BTG4: variants seen among roughly 807,000 people sequenced by gnomAD.
BTG4 encodes the protein BTG anti-proliferation factor 4.
A neutral mutation model predicts 19.3 loss-of-function variants in BTG4; 10 were observed. The observed-to-expected ratio is 0.52, with a 90% CI of 0.32 to 0.88. The LOEUF (loss-of-function observed/expected upper bound fraction) is 0.88. Among genes scored for constraint, BTG4 ranks in the 40% least tolerant of loss-of-function variants. The pLI is 0.04. For missense variants in BTG4, 238 were observed against 281.9 expected (o/e 0.84, Z 1.11); for synonymous variants, 91 against 95.7 (o/e 0.95, Z 0.29).
the BTG4 span, among the ~76,000 whole-genome samples, chr11:111,437,409 C>T: frequency 6.6e-6 from 1 of 152,164 alleles, no homozygotes; most frequent in Admixed American, 6.5e-5. Context: ...CTGCCAGGAA[C>T]TGGGTTGGGG....
At chr11:111,438,131 G>A in the BTG4 span, among the ~76,000 whole-genome samples, 1 of 152,240 alleles carries the variant, frequency 6.6e-6, no homozygotes, top group Non-Finnish European at 1.5e-5. Flanking sequence ...GGCTGCCAGG[G>A]CAGCCACAGA....
At chr11:111,426,471 A>G in the BTG4 span, among the ~76,000 whole-genome samples, 1 of 152,190 alleles carries the variant, frequency 6.6e-6, no homozygotes, top group African/African-American at 2.4e-5. Context: ...CATGGCAAAT[A>G]TGGCAGGGAT....
chr11:111,514,689 CAGGGG>C (rs1867148357), upstream of BTG4: 2 of 919,106 alleles, frequency 2.2e-6, no homozygotes, highest in African/African-American at 4.5e-5. Context: ...GGGCAGCCGG[CAGGGG>C]CTGGTACCAA....
At chr11:111,491,746 A>AAAG (rs1555114171), downstream of BTG4, among the ~76,000 whole-genome samples, 1 of 151,360 alleles carries the variant, frequency 6.6e-6, no homozygotes, top group Non-Finnish European at 1.5e-5. Flanking sequence ...AAAAAAAAAA[A>AAAG]AAAAGAAAGA....
At chr11:111,396,090 A>G in the BTG4 span, among the ~76,000 whole-genome samples, 1 of 152,154 alleles carries the variant, frequency 6.6e-6, no homozygotes, top group African/African-American at 2.4e-5. Context: ...GTGGCCATCA[A>G]GTAGCAAATG....
upstream of BTG4, chr11:111,514,597 C>T (rs781455619): frequency 5.5e-5 from 33 of 604,360 alleles, no homozygotes; most frequent in Non-Finnish European, 9.4e-5. Flanking sequence ...TTGGACTGGT[C>T]CTAAAACCTG....
the BTG4 span, among the ~76,000 whole-genome samples, chr11:111,447,243 TAC>T: frequency 6.6e-6 from 1 of 152,270 alleles, no homozygotes; most frequent in African/African-American, 2.4e-5. Context: ...CTGGCAGTTT[TAC>T]AGTTTCCAGT....
intron 5 of BTG4, among the ~76,000 whole-genome samples, chr11:111,481,447 T>A (rs756990655): frequency 2.2e-4 from 34 of 151,930 alleles, no homozygotes; most frequent in Middle Eastern, 6.8e-3. Flanking sequence ...GTGTTTACAG[T>A]ATGTATATAA....
chr11:111,513,484 A>G (rs757470011), upstream of BTG4: 3 of 533,926 alleles, frequency 5.6e-6, no homozygotes, highest in South Asian at 4.2e-5. Context: ...TAATAGTACC[A>G]ATCACTAACC....
chr11:111,422,829 C>T, the BTG4 span, among the ~76,000 whole-genome samples: 17 of 152,152 alleles, frequency 1.1e-4, no homozygotes, highest in African/African-American at 4.1e-4. Context: ...CAGCTGGCAG[C>T]CAATCCCCAA....
At chr11:111,503,844 A>G (rs1335055237) in intron 1 of BTG4, among the ~76,000 whole-genome samples, 1 of 152,200 alleles carries the variant, frequency 6.6e-6, no homozygotes, top group Non-Finnish European at 1.5e-5. Flanking sequence ...AGGAATAGTC[A>G]AGCCCCAAAG....
chr11:111,447,847 T>C, the BTG4 span, among the ~76,000 whole-genome samples: 33 of 152,306 alleles, frequency 2.2e-4, no homozygotes, highest in Admixed American at 5.2e-4. Context: ...TCCTGGGCAT[T>C]TCTCTCTGAG....
chr11:111,490,589 A>G (rs923033243), downstream of BTG4, among the ~76,000 whole-genome samples: 6 of 152,244 alleles, frequency 3.9e-5, no homozygotes, highest in African/African-American at 1.2e-4. Context: ...AACGCACTCA[A>G]TTAGAAAATG....
the BTG4 span, among the ~76,000 whole-genome samples, chr11:111,436,721 T>C: frequency 6.6e-6 from 1 of 151,654 alleles, no homozygotes; most frequent in Non-Finnish European, 1.5e-5. Context: ...CTGACCTTGC[T>C]GGCCCAGGGG....
At chr11:111,491,932 G>C (rs1237041900), downstream of BTG4, among the ~76,000 whole-genome samples, 2 of 135,706 alleles carry the variant, frequency 1.5e-5, no homozygotes, top group African/African-American at 5.6e-5. Context: ...AAAATATATA[G>C]TTGATTATAT....
At chr11:111,491,448 A>T (rs76156920), downstream of BTG4, among the ~76,000 whole-genome samples, 3,918 of 152,170 alleles carry the variant, frequency 0.026, 180 homozygotes, top group African/African-American at 0.087. Flanking sequence ...CAAGATAAAA[A>T]TTTTTTTAAA....
chr11:111,487,347 T>C (rs898195073), intron 5 of BTG4, among the ~76,000 whole-genome samples: 2 of 152,146 alleles, frequency 1.3e-5, no homozygotes, highest in African/African-American at 4.8e-5. Context: ...AGTAATGAAA[T>C]TCCTGGGTCA....
At chr11:111,414,029 G>C in the BTG4 span, among the ~76,000 whole-genome samples, 6 of 152,162 alleles carry the variant, frequency 3.9e-5, no homozygotes, top group African/African-American at 1.2e-4. Flanking sequence ...TTCATTCAGC[G>C]AAATGTCAGT....
intron 4 of BTG4, 132 bp from the exon 5 acceptor site, chr11:111,495,446 T>C: frequency 1.4e-6 from 1 of 724,370 alleles, no homozygotes; most frequent in Non-Finnish European, 2.2e-6. Flanking sequence ...CATAACCATC[T>C]TTGAAAAAAA....
Sources: gnomAD v4.1 joint callset for allele counts (sites outside exome capture counted in the v4.1 genomes callset) on GRCh38, gnomAD v4.1.1 for gene constraint, MANE v1.5 for transcripts, NCBI Gene and HGNC (gene_info 2026-07-23, HGNC 2026-07-21) for gene names.